TRMT2B: variants seen among roughly 807,000 people sequenced by gnomAD.
TRMT2B encodes the protein tRNA methyltransferase 2B.
In TRMT2B, 34 loss-of-function variants were observed where a neutral mutation model predicts 39.7. The ratio of observed to expected loss-of-function variants is 0.86; its 90% CI spans 0.65 to 1.14. The LOEUF is 1.14. Among genes scored for constraint, TRMT2B ranks in the 50% most tolerant of loss-of-function variants. TRMT2B has a pLI of 0.00. For synonymous variants in TRMT2B, 132 were observed against 137.3 expected, an observed-to-expected ratio of 0.96 and a Z score of 0.27; for missense variants, 318 against 377.2, an observed-to-expected ratio of 0.84 and a Z score of 1.30.
chrX:101,005,945 G>T (rs1249507703), downstream of TRMT2B, among the ~76,000 whole-genome samples: 1 of 103,071 alleles, frequency 9.7e-6, no homozygotes, highest in Non-Finnish European at 2.0e-5. Flanking sequence ...TGTGGGCCAG[G>T]TGCGGTGGCT....
the TRMT2B span, among the ~76,000 whole-genome samples, chrX:100,981,151 C>T: frequency 9.0e-6 from 1 of 111,486 alleles, no homozygotes; most frequent in Non-Finnish European, 1.9e-5. Flanking sequence ...GTCCAGGAAC[C>T]GCAGTCCTTG....
At chrX:101,023,752 A>T in intron 7 of TRMT2B, 136 bp from the exon 8 acceptor site, 2 of 548,676 alleles carry the variant, frequency 3.6e-6, no homozygotes, top group Non-Finnish European at 5.6e-6. Flanking sequence ...CAGTACTCAA[A>T]ATGTGTCTAT....
At chrX:101,028,309 G>A (rs1250732604) in intron 7 of TRMT2B, among the ~76,000 whole-genome samples, 1 of 108,689 alleles carries the variant, frequency 9.2e-6, no homozygotes, top group Non-Finnish European at 1.9e-5. Context: ...AGTAGAGATG[G>A]GGTTTCACTA....
chrX:101,034,317 C>A (rs767165459), intron 7 of TRMT2B, among the ~76,000 whole-genome samples: 204 of 103,841 alleles, frequency 2.0e-3, no homozygotes, highest in Non-Finnish European at 2.9e-3. Context: ...AATTTTTGTA[C>A]TTTTAGTAGA....
chrX:101,021,991 C>G lies in TRMT2B; in HGVS notation c.828G>C (p.Leu276Phe), dbSNP rs1187545633. ...FIRGPGAACG[L>F]TSLYFQESTM... ...ACCTTTCCTGGAAGTAAAGTGAGGT[C>G]AAGCCACAGGCTGCTCCAGGACCTC... The change falls in exon 9 of 14, where the codon TTG (leucine) becomes TTC (phenylalanine). Residue 276 changes from leucine to phenylalanine, a missense_variant. Transcript: ENST00000372936. The G allele has an allele frequency of 5.0e-6, 6 of 1,208,907 alleles. No homozygotes were observed. Among genetic ancestry groups the G allele is most frequent in the Non-Finnish European group, 6.7e-6 (6 of 893,919 alleles).
the TRMT2B span, among the ~76,000 whole-genome samples, chrX:100,980,610 C>T: frequency 1.8e-5 from 2 of 110,859 alleles, no homozygotes; most frequent in African/African-American, 6.5e-5. Flanking sequence ...ACTGAAGTTG[C>T]AAGACAAAGT....
chrX:101,002,277 G>A, the TRMT2B span, among the ~76,000 whole-genome samples: 3 of 111,503 alleles, frequency 2.7e-5, no homozygotes, highest in African/African-American at 9.8e-5. Flanking sequence ...TGCCATACGG[G>A]GCCATTCTCA....
intron 4 of TRMT2B, among the ~76,000 whole-genome samples, chrX:101,039,324 G>A (rs1450968004): frequency 9.0e-6 from 1 of 111,704 alleles, no homozygotes; most frequent in Non-Finnish European, 1.9e-5. Flanking sequence ...GCCCGCCTCA[G>A]CCTTCCAAAG....
At chrX:101,011,294 A>C (rs1187276799) in intron 13 of TRMT2B, among the ~76,000 whole-genome samples, 2 of 112,066 alleles carry the variant, frequency 1.8e-5, no homozygotes, top group Non-Finnish European at 3.8e-5. Context: ...TCTGTACAGC[A>C]TGTTACTGTA....
chrX:100,991,935 C>A, the TRMT2B span, among the ~76,000 whole-genome samples: 1 of 31,129 alleles, frequency 3.2e-5, no homozygotes, highest in Non-Finnish European at 7.7e-5. Flanking sequence ...GGGGTTGGGG[C>A]GGGAGATGAA....
chrX:101,003,406 T>G, the TRMT2B span, among the ~76,000 whole-genome samples: 2 of 106,861 alleles, frequency 1.9e-5, no homozygotes. Flanking sequence ...TGGAGTACAA[T>G]GGCACAATCT....
chrX:101,038,195 C>T, intron 4 of TRMT2B, 144 bp from the exon 5 acceptor site: 1 of 478,951 alleles, frequency 2.1e-6, no homozygotes, highest in Non-Finnish European at 3.5e-6. Flanking sequence ...TGAAGAAATC[C>T]TGTCTCTATT....
chrX:101,016,145 G>A (rs1441506513), intron 13 of TRMT2B, among the ~76,000 whole-genome samples: 3 of 111,840 alleles, frequency 2.7e-5, no homozygotes, highest in Non-Finnish European at 5.6e-5. Context: ...CTGGTTTTTA[G>A]TATATTCACA....
At chrX:100,974,198 G>C in the TRMT2B span, 3 of 1,174,892 alleles carry the variant, frequency 2.6e-6, no homozygotes, top group East Asian at 9.2e-5. Flanking sequence ...TTCCAAAAAT[G>C]TAAGGAACTA....
At chrX:101,029,231 A>G (rs937982877) in intron 7 of TRMT2B, among the ~76,000 whole-genome samples, 13 of 110,784 alleles carry the variant, frequency 1.2e-4, no homozygotes, top group African/African-American at 4.3e-4. Flanking sequence ...AGACCTTTGC[A>G]TGGCTAACAC....
chrX:100,974,246 C>A, the TRMT2B span: 1 of 964,967 alleles, frequency 1.0e-6, no homozygotes, highest in Non-Finnish European at 1.4e-6. Flanking sequence ...CCATGGACCC[C>A]AGAATCCAGT....
chrX:101,048,612 T>C (rs1898739066), intron 2 of TRMT2B, among the ~76,000 whole-genome samples: 1 of 112,137 alleles, frequency 8.9e-6, no homozygotes, highest in Non-Finnish European at 1.9e-5. Flanking sequence ...CTAATTTTTG[T>C]ATTTTTAGTA....
At chrX:100,994,779 T>A in the TRMT2B span, among the ~76,000 whole-genome samples, 1 of 111,241 alleles carries the variant, frequency 9.0e-6, no homozygotes, top group East Asian at 2.8e-4. Flanking sequence ...GTGTTTTTAT[T>A]TTTGTTTTAG....
rs2089104600 is a variant in TRMT2B at position 101,051,637 on chromosome X, A to G, written c.-410T>C. On this transcript the variant is annotated 5_prime_UTR_variant, in exon 2 of 14. Coordinates refer to ENST00000372936, the MANE Select transcript of TRMT2B (RefSeq NM_024917.6). ...AGGGCACAGGCCCACGCTGGGCCGT[A>G]CACGACCTTGCGCAGTCACCGTCGG... 1.3e-6 allele frequency: 1 copy of G among 753,639 alleles called. No individual in the cohort carries two copies. The highest frequency in any genetic ancestry group is 2.3e-5 in the African/African-American group (1 of 43,544). 62.1% of individuals were successfully genotyped at this position (753,639 alleles called of 1,213,427 possible). A position where few individuals can be genotyped will look rare whatever the true frequency, so the allele number is the denominator to read the frequency against.
Sources: allele counts gnomAD v4.1 joint callset (sites outside exome capture counted in the v4.1 genomes callset), GRCh38; gene constraint gnomAD v4.1.1; transcripts MANE v1.5; gene names NCBI Gene and HGNC (gene_info 2026-07-23, HGNC 2026-07-21).